The following GRIK1 variants were observed in gnomAD, a reference collection of about 807,000 sequenced individuals.
GRIK1 encodes glutamate receptor ionotropic, kainate 1.
In GRIK1, 69 loss-of-function variants were observed where a neutral mutation model predicts 105.7. That is an observed-to-expected ratio of 0.65 (90% CI 0.54 to 0.80). The LOEUF (loss-of-function observed/expected upper bound fraction) is 0.80. Ranked by LOEUF, GRIK1 falls within the 30% of genes least tolerant of loss-of-function variation. The pLI, the probability that GRIK1 is intolerant of heterozygous loss-of-function variation, is 0.00. For missense variants in GRIK1, 1,109 were observed against 1,167.3 expected (o/e 0.95, Z 0.73); for synonymous variants, 438 against 431.3 (o/e 1.02, Z -0.19).
chr21:29,822,229 C>T (rs951233290), intron 1 of GRIK1, among the ~76,000 whole-genome samples: 20 of 151,938 alleles, frequency 1.3e-4, no homozygotes, highest in South Asian at 4.1e-4. Context: ...CAACCATAGA[C>T]AATATGTAAA....
At chr21:29,616,354 G>A (rs1337355196) in intron 7 of GRIK1, among the ~76,000 whole-genome samples, 1 of 152,000 alleles carries the variant, frequency 6.6e-6, no homozygotes, top group Non-Finnish European at 1.5e-5. Flanking sequence ...CAGCTCTAGG[G>A]GTCCTTTATC....
chr21:29,713,088 A>G (rs2064096445), intron 1 of GRIK1, among the ~76,000 whole-genome samples: 1 of 152,184 alleles, frequency 6.6e-6, no homozygotes, highest in African/African-American at 2.4e-5. Flanking sequence ...TACCCAAGCC[A>G]TCAGACTTAA....
chr21:29,755,065 T>C (rs143761189), intron 1 of GRIK1, among the ~76,000 whole-genome samples: 7 of 152,348 alleles, frequency 4.6e-5, no homozygotes, highest in African/African-American at 1.7e-4. Flanking sequence ...TTATTTTCTG[T>C]ATAATCCAAA....
At chr21:29,894,204 T>TGATC (rs2070019716) in intron 1 of GRIK1, among the ~76,000 whole-genome samples, 1 of 152,088 alleles carries the variant, frequency 6.6e-6, no homozygotes, top group Non-Finnish European at 1.5e-5. Context: ...TTGACTCTCA[T>TGATC]GATCATAAGG....
At chr21:29,688,875 C>A (rs2063533514) in intron 3 of GRIK1, among the ~76,000 whole-genome samples, 1 of 151,904 alleles carries the variant, frequency 6.6e-6, no homozygotes, top group East Asian at 1.9e-4. Flanking sequence ...GTCAGGAGAA[C>A]ATGGGGATAT....
chr21:29,710,735 TTA>T (rs2064025046), intron 1 of GRIK1, among the ~76,000 whole-genome samples: 1 of 151,992 alleles, frequency 6.6e-6, no homozygotes, highest in South Asian at 2.1e-4. Context: ...TATATTTTTC[TTA>T]TTTCAACTTT....
intron 1 of GRIK1, among the ~76,000 whole-genome samples, chr21:29,898,952 A>G (rs1056220109): frequency 6.6e-6 from 1 of 151,310 alleles, no homozygotes; most frequent in African/African-American, 2.4e-5. Context: ...AGCCTGGGCA[A>G]CAAGAGTGAA....
chr21:29,939,623 G>C lies in GRIK1; in HGVS notation c.-123C>G. 4.9e-6 allele frequency: 3 copies of C among 613,208 alleles called. No individual in the cohort carries two copies. The highest frequency in any genetic ancestry group is 8.2e-6 in the Non-Finnish European group (3 of 365,682). 38.0% of individuals were successfully genotyped at this position (613,208 alleles called of 1,614,324 possible). A position where few individuals can be genotyped will look rare whatever the true frequency, so the allele number is the denominator to read the frequency against. ...TGCTCCGGTTCCAAGCACGCTGCGC[G>C]CTCCCCACGGAGCGAGCTCGAGGGA... On this transcript the variant is annotated 5_prime_UTR_variant, in exon 1 of 18. Coordinates refer to ENST00000327783, the MANE Select transcript of GRIK1 (RefSeq NM_001330994.2).
rs186358537 is a variant in GRIK1 at position 29,608,822 on chromosome 21, C to T, written c.1099-9885G>A. Among the ~76,000 whole-genome samples the T allele has an allele frequency of 2.6e-5, 4 of 152,204 alleles. No individual in the cohort carries two copies. In the East Asian group the frequency reaches 7.7e-4, roughly 29 times the overall value. ...CACTTCAAACAGTCATTGGTATAGA[C>T]TTTGGATATTAAGGTGTCACTTAGA... On this transcript the variant is annotated intron_variant, in intron 7 of 17. Transcript: ENST00000327783.
intron 16 of GRIK1, among the ~76,000 whole-genome samples, chr21:29,547,416 GTTT>G (rs1165149092): frequency 1.3e-5 from 2 of 152,152 alleles, no homozygotes; most frequent in Non-Finnish European, 2.9e-5. Flanking sequence ...TATGTTTTTT[GTTT>G]TTATTTCCTT....
At chr21:29,898,289 A>G (rs2070249277) in intron 1 of GRIK1, among the ~76,000 whole-genome samples, 1 of 152,208 alleles carries the variant, frequency 6.6e-6, no homozygotes, top group Admixed American at 6.5e-5. Flanking sequence ...CACTCAGCCA[A>G]CATTCCTAAG....
intron 1 of GRIK1, among the ~76,000 whole-genome samples, chr21:29,707,432 C>CTCCT (rs2063934434): frequency 1.8e-5 from 1 of 55,922 alleles, no homozygotes; most frequent in Admixed American, 1.6e-4. Context: ...CTTTCCCTTC[C>CTCCT]TCCCTCCCTC....
chr21:29,742,101 A>C (rs1046297848), intron 1 of GRIK1, among the ~76,000 whole-genome samples: 8 of 152,118 alleles, frequency 5.3e-5, no homozygotes, highest in Middle Eastern at 3.2e-3. Context: ...TAGTTGCAAA[A>C]CTCTGACAAG....
intron 1 of GRIK1, among the ~76,000 whole-genome samples, chr21:29,723,293 T>C (rs1359692727): frequency 6.6e-6 from 1 of 152,256 alleles, no homozygotes. Flanking sequence ...TATTAGCTAT[T>C]GGAATTTATT....
At chr21:29,640,452 A>G (rs1439789374) in intron 7 of GRIK1, among the ~76,000 whole-genome samples, 1 of 152,184 alleles carries the variant, frequency 6.6e-6, no homozygotes, top group Non-Finnish European at 1.5e-5. Context: ...GAGGATGAGC[A>G]CAATGTTGAC....
intron 1 of GRIK1, among the ~76,000 whole-genome samples, chr21:29,874,925 A>G (rs573992106): frequency 1.3e-5 from 2 of 152,036 alleles, no homozygotes; most frequent in South Asian, 4.1e-4. Flanking sequence ...GATTTCCAAA[A>G]TGACTATTTA....
intron 1 of GRIK1, among the ~76,000 whole-genome samples, chr21:29,934,520 C>G (rs1000932600): frequency 6.6e-6 from 1 of 151,956 alleles, no homozygotes. Flanking sequence ...AAGCTGAAAT[C>G]AAATATAAGA....
At chr21:29,807,884 C>G (rs1224269686) in intron 1 of GRIK1, among the ~76,000 whole-genome samples, 1 of 152,104 alleles carries the variant, frequency 6.6e-6, no homozygotes, top group East Asian at 1.9e-4. Flanking sequence ...TGGAAGTCAG[C>G]TTTCCTCCAT....
At chr21:29,679,443 C>A (rs1007007020) in intron 3 of GRIK1, among the ~76,000 whole-genome samples, 1 of 152,078 alleles carries the variant, frequency 6.6e-6, no homozygotes, top group African/African-American at 2.4e-5. Context: ...GTACTCATCC[C>A]GTCCTATCTA....
Sources: allele counts gnomAD v4.1 joint callset (sites outside exome capture counted in the v4.1 genomes callset), GRCh38; gene constraint gnomAD v4.1.1; transcripts MANE v1.5; gene names NCBI Gene and HGNC (gene_info 2026-07-23, HGNC 2026-07-21).